The following KLRC4 variants were observed in gnomAD, a reference collection of about 807,000 sequenced individuals.
The protein encoded by KLRC4 is killer cell lectin like receptor C4, also known as NKG2-F type II integral membrane protein.
In KLRC4, 6 loss-of-function variants were observed where a neutral mutation model predicts 14.3. That is an observed-to-expected ratio of 0.42 (90% CI 0.23 to 0.83). KLRC4 has a LOEUF of 0.83. Among genes scored for constraint, KLRC4 ranks in the 40% least tolerant of loss-of-function variants. The pLI, the probability that KLRC4 is intolerant of heterozygous loss-of-function variation, is 0.29. For missense variants in KLRC4, 158 were observed against 179.4 expected (o/e 0.88, Z 0.68); for synonymous variants, 53 against 60.5 (o/e 0.88, Z 0.57).
Position 10,407,656 on chromosome 12 carries a change from T to G in KLRC4, c.474A>C (p.Leu158=). 6.2e-7 allele frequency: 1 copy of G among 1,613,202 alleles called. No individual in the cohort carries two copies. Among genetic ancestry groups the G allele is most frequent in the Non-Finnish European group, 8.5e-7 (1 of 1,179,646 alleles). ...CTTACCATTTCTTCCTCATTATCTA[T>G]AGAAAGCAGATCAGAGTTCTTCGAA... ...PVLRRTLICF[L] The change falls in exon 4 of 4, where the codon CTA becomes CTC. Residue 158 remains leucine, a synonymous_variant. Transcript: ENST00000309384.
rs1863533033 is a variant in KLRC4, at chr12:10,408,350, G to A, written c.319C>T (p.Leu107=). 2 of 1,510,140 alleles carry A rather than the reference G, an allele frequency of 1.3e-6. No homozygotes were observed. Among genetic ancestry groups the A allele is most frequent in the Non-Finnish European group, 9.2e-7 (1 of 1,091,640 alleles). The allele number at this position is 1,510,140 out of a possible 1,614,324, so 93.5% of individuals were successfully genotyped here. A position where few individuals can be genotyped will look rare whatever the true frequency, so the allele number is the denominator to read the frequency against. ...GTACCTTTCTGCATTCTTCTATTCA[G>A]GGAAAAATTGTTCTGCTCCAGTACT... The part of the protein sequence containing the change: ...IGVLEQNNFS[L]NRRMQKARHC... The change falls in exon 3 of 4, where the codon CTG becomes TTG. Residue 107 remains leucine (L), a synonymous_variant. Transcript: ENST00000309384.
chr12:10,407,853 T>C, intron 3 of KLRC4, 64 bp from the exon 4 acceptor site: 1 of 1,550,918 alleles, frequency 6.4e-7, no homozygotes, highest in Non-Finnish European at 8.7e-7. Context: ...ATTTTATATA[T>C]TTGCAAAGCT....
chr12:10,407,787 G>A lies in KLRC4; in HGVS notation c.343C>T (p.Arg115Cys), dbSNP rs752700630. 4.4e-6 allele frequency: 7 copies of A among 1,598,708 alleles called. No individual in the cohort carries two copies. The highest frequency in any genetic ancestry group is 3.5e-5 in the Admixed American group (2 of 56,388). ...FSLNRRMQKA[R>C]HCGHCPEEWI... is the part of the protein sequence containing the mutation. ...TCCTCAGGACAATGGCCACAATGAC[G>A]TGCTAAATAAAAATATGAATTACTA... The change falls in exon 4 of 4, where the codon CGT becomes TGT. Residue 115 changes from arginine to cysteine, a missense_variant and splice_region_variant. By Grantham distance (180) the Arg-to-Cys change is radical. Transcript: ENST00000309384.
Position 10,407,689 on chromosome 12 carries a change from C to T in KLRC4, c.441G>A (p.Trp147Ter). The stretch of plus-strand genomic sequence containing the variant: ...AGATCAGAGTTCTTCGAAGCACAGG[C>T]CAGCAAACTCTTTCTTCCCAAGTTC... ...ERRTWEERVC[W>*]PVLRRTLICF... The change falls in exon 4 of 4, where the codon TGG becomes TGA. Residue 147 changes from tryptophan (W) to a stop codon, truncating the protein, a stop_gained. Transcript: ENST00000309384. LOFTEE classifies it high-confidence loss of function. 1 of 1,613,798 alleles carries T rather than the reference C, an allele frequency of 6.2e-7. No homozygotes were observed. Among genetic ancestry groups the T allele is most frequent in the Non-Finnish European group, 8.5e-7 (1 of 1,179,824 alleles).
At chr12:10,408,097 T>C (rs1344655265) in intron 3 of KLRC4, among the ~76,000 whole-genome samples, 1 of 152,182 alleles carries the variant, frequency 6.6e-6, no homozygotes, top group Non-Finnish European at 1.5e-5. Context: ...CATCTTATAG[T>C]AGTAGGAAAT....
chr12:10,407,873 C>T, intron 3 of KLRC4, 84 bp from the exon 4 acceptor site: 1 of 1,495,262 alleles, frequency 6.7e-7, no homozygotes, highest in Non-Finnish European at 8.9e-7. Context: ...TATAAACATA[C>T]AGGTACACAA....
At chr12:10,407,863 T>C in intron 3 of KLRC4, 74 bp from the exon 4 acceptor site, 3 of 1,530,996 alleles carry the variant, frequency 2.0e-6, no homozygotes, top group Non-Finnish European at 2.6e-6. Context: ...TTTGCAAAGC[T>C]ATAAACATAC....
chr12:10,408,799 C>A, intron 2 of KLRC4, 113 bp downstream of exon 2: 1 of 1,300,318 alleles, frequency 7.7e-7, no homozygotes, highest in South Asian at 1.4e-5. Context: ...TCTTGGGGTT[C>A]AGAGATATAC....
Position 10,407,676 on chromosome 12 carries a change from T to C in KLRC4, c.454A>G (p.Arg152Gly). 6.2e-7 allele frequency: 1 copy of C among 1,613,848 alleles called. No individual in the cohort carries two copies. Among genetic ancestry groups the C allele is most frequent in the Non-Finnish European group, 8.5e-7 (1 of 1,179,812 alleles). The change falls in exon 4 of 4, where the codon AGA (arginine) becomes GGA (glycine). Residue 152 changes from arginine (R) to glycine (G), a missense_variant. By Grantham distance (125) the Arg-to-Gly change is moderately radical. Transcript: ENST00000309384. ...ATCTATAGAAAGCAGATCAGAGTTC[T>C]TCGAAGCACAGGCCAGCAAACTCTT... ...EERVCWPVLR[R>G]TLICFL
rs750102339 is a variant in KLRC4 at position 10,407,670 on chromosome 12, G to C, written c.460C>G (p.Leu154Val). The part of the protein sequence containing the change: ...RVCWPVLRRT[L>V]ICFL ...CTCATTATCTATAGAAAGCAGATCA[G>C]AGTTCTTCGAAGCACAGGCCAGCAA... The change falls in exon 4 of 4, where the codon CTG becomes GTG. Residue 154 changes from leucine (L) to valine (V), a missense_variant. Physicochemically the swap from Leu to Val is conservative, Grantham distance 32. Transcript: ENST00000309384. 2 of 1,613,682 alleles carry C rather than the reference G, an allele frequency of 1.2e-6. No individual in the cohort carries two copies. The highest frequency in any genetic ancestry group is 1.1e-5 in the South Asian group (1 of 91,032).
At chr12:10,409,144 A>C in intron 1 of KLRC4, 134 bp from the exon 2 acceptor site, 1 of 1,027,058 alleles carries the variant, frequency 9.7e-7, no homozygotes. Context: ...TACTCTAGTA[A>C]TCTTTCTCTC....
At chr12:10,408,825 C>T in intron 2 of KLRC4, 87 bp downstream of exon 2, 1 of 1,538,218 alleles carries the variant, frequency 6.5e-7, no homozygotes, top group Non-Finnish European at 8.9e-7. Flanking sequence ...ACAGAGAATT[C>T]TAATCCTCAT....
At position 10,409,566 on chromosome 12, in the gene KLRC4, G is replaced by C. The variant is rs1159560660; in HGVS notation, c.10C>G (p.Gln4Glu). Reference protein sequence around the residue: MNKQRGTYSEVSLA... With the variant: MNKERGTYSEVSLA... Reference sequence around the variant, plus strand: ...CTCACTTCTGAGTAGGTTCCTCTTTGTTTATTCATCTCTGCAGCTGTGTGA... The same window carrying C: ...CTCACTTCTGAGTAGGTTCCTCTTTCTTTATTCATCTCTGCAGCTGTGTGA... The change falls in exon 1 of 4, where the codon CAA (glutamine) becomes GAA (glutamate). Residue 4 changes from glutamine to glutamate, a missense_variant. Physicochemically the swap from Gln to Glu is conservative, Grantham distance 29. Transcript: ENST00000309384. 3 of 1,612,306 alleles carry C rather than the reference G, an allele frequency of 1.9e-6. No individual in the cohort carries two copies. In the African/African-American group the frequency reaches 4.0e-5, roughly 22 times the overall value.
chr12:10,409,090 C>T, intron 1 of KLRC4, 80 bp from the exon 2 acceptor site: 2 of 1,441,046 alleles, frequency 1.4e-6, no homozygotes, highest in Non-Finnish European at 1.9e-6. Context: ...AACTCACGTG[C>T]ACAGGAAAAC....
Position 10,409,538 on chromosome 12 carries a change from A to G in KLRC4, c.38T>C (p.Leu13Pro). Residue 13 changes from leucine to proline, a missense_variant, in exon 1 of 4, where the codon CTG (leucine) becomes CCG (proline). Physicochemically the swap from Leu to Pro is moderately conservative, Grantham distance 98. Coordinates refer to ENST00000309384, the MANE Select transcript of KLRC4 (RefSeq NM_013431.2). ...KQRGTYSEVS[L>P]AQDPKRQQRK... ...TTGCTGCCTCTTTGGGTCCTGGGCCAGACTCACTTCTGAGTAGGTTCCTCT... is the reference window on the plus strand; with the variant it reads ...TTGCTGCCTCTTTGGGTCCTGGGCCGGACTCACTTCTGAGTAGGTTCCTCT... The G allele has an allele frequency of 6.2e-7, 1 of 1,614,042 alleles. No homozygotes were observed. Among genetic ancestry groups the G allele is most frequent in the Non-Finnish European group, 8.5e-7 (1 of 1,179,936 alleles).
At chr12:10,408,016 CCACCCTA>C (rs1863525505) in intron 3 of KLRC4, among the ~76,000 whole-genome samples, 1 of 152,052 alleles carries the variant, frequency 6.6e-6, no homozygotes. Context: ...CAACAAAAAT[CCACCCTA>C]CACATCTTAA....
At chr12:10,408,260 C>A in intron 3 of KLRC4, 69 bp downstream of exon 3, 2 of 892,030 alleles carry the variant, frequency 2.2e-6, no homozygotes, top group South Asian at 1.4e-5. Context: ...ATTTTATTAT[C>A]ATTTTGCATC....
At chr12:10,407,822 A>G (rs757607209) in intron 3 of KLRC4, 33 bp from the exon 4 acceptor site, 60 of 1,586,856 alleles carry the variant, frequency 3.8e-5, no homozygotes, top group Non-Finnish European at 4.5e-5. Context: ...ATGCAAAACA[A>G]TATGTTTACA....
chr12:10,409,109 A>G lies in KLRC4; in HGVS notation c.188-99T>C, dbSNP rs2447701. On this transcript the variant is annotated intron_variant, in intron 1 of 3. Transcript: ENST00000309384. ...CACGTGCACAGGAAAACATAATGAT[A>G]AACTCTGTCCTCTAAATCTACATCT... is the stretch of plus-strand genomic sequence containing the variant. The G allele has an allele frequency of 2.9e-3, 3,859 of 1,310,176 alleles. 87 individuals carry two copies. The African/African-American group carries it at 0.051, about 17-fold the overall frequency. The allele number at this position is 1,310,176 out of a possible 1,614,324, so 81.2% of individuals were successfully genotyped here. A position where few individuals can be genotyped will look rare whatever the true frequency, so the allele number is the denominator to read the frequency against.
Sources: allele counts gnomAD v4.1 joint callset (sites outside exome capture counted in the v4.1 genomes callset), GRCh38; gene constraint gnomAD v4.1.1; transcripts MANE v1.5; gene names NCBI Gene and HGNC (gene_info 2026-07-23, HGNC 2026-07-21).